Variants in CABCOCO1 observed in about 807,000 individuals in gnomAD.
CABCOCO1 encodes ciliary-associated calcium-binding coiled-coil protein 1.
CABCOCO1 carries 28 observed loss-of-function variants against 35.7 expected under a neutral mutation model. The observed-to-expected ratio is 0.78, with a 90% CI of 0.58 to 1.07. The LOEUF is 1.07. CABCOCO1 is among the 50% of genes least tolerant of loss of function. The pLI is 0.00. For missense variants in CABCOCO1, 326 were observed against 309.2 expected, an observed-to-expected ratio of 1.05 and a Z score of -0.41; for synonymous variants, 95 against 100.1, an observed-to-expected ratio of 0.95 and a Z score of 0.30.
In CABCOCO1 at chr10:61,718,742, T is replaced by G. The variant is rs146236890; in HGVS notation, c.552+28121T>G. On this transcript the variant is annotated intron_variant, in intron 5 of 7. Transcript: ENST00000648843. ...AAATAAAATATTTACCAATTCATTA[T>G]GAAAAGTCACCTTAAGTTTATCTAA... Among the ~76,000 whole-genome samples, 480 of 152,288 alleles carry G rather than the reference T, an allele frequency of 3.2e-3. 1 individual carries two copies. Among genetic ancestry groups the G allele is most frequent in the African/African-American group, 0.011 (470 of 41,576 alleles).
chr10:61,692,855 G>A (rs895527102), intron 5 of CABCOCO1, among the ~76,000 whole-genome samples: 1 of 151,994 alleles, frequency 6.6e-6, no homozygotes, highest in Non-Finnish European at 1.5e-5. Flanking sequence ...ACCTCATATC[G>A]CGTGACAGCC....
chr10:61,726,322 CTT>C (rs1486626265), intron 5 of CABCOCO1, among the ~76,000 whole-genome samples: 11 of 152,042 alleles, frequency 7.2e-5, no homozygotes, highest in Non-Finnish European at 1.5e-4. Flanking sequence ...AAATTATAAA[CTT>C]GTGCATATTC....
intron 7 of CABCOCO1, among the ~76,000 whole-genome samples, chr10:61,764,611 T>C (rs1842070862): frequency 1.3e-5 from 2 of 152,076 alleles, no homozygotes; most frequent in South Asian, 2.1e-4. Flanking sequence ...CCTAAAATCA[T>C]GCATAGATGA....
intron 5 of CABCOCO1, among the ~76,000 whole-genome samples, chr10:61,717,022 A>G (rs1198038312): frequency 6.6e-6 from 1 of 152,210 alleles, no homozygotes; most frequent in Non-Finnish European, 1.5e-5. Context: ...AAAATAGTAT[A>G]ATGGCGAACA....
At chr10:61,696,545 C>G (rs533916469) in intron 5 of CABCOCO1, among the ~76,000 whole-genome samples, 1 of 151,886 alleles carries the variant, frequency 6.6e-6, no homozygotes, top group Non-Finnish European at 1.5e-5. Flanking sequence ...TTGCTCAGGC[C>G]GGAATGCAGT....
chr10:61,752,658 A>G (rs1414569784), intron 5 of CABCOCO1, among the ~76,000 whole-genome samples: 2 of 152,186 alleles, frequency 1.3e-5, no homozygotes, highest in African/African-American at 4.8e-5. Context: ...TTTTAAATCT[A>G]TATTTGTCAG....
chr10:61,714,461 G>T (rs969679845), intron 5 of CABCOCO1, among the ~76,000 whole-genome samples: 2 of 152,030 alleles, frequency 1.3e-5, no homozygotes, highest in Non-Finnish European at 2.9e-5. Context: ...CAAAAAACCA[G>T]CTCCTGGATT....
intron 6 of CABCOCO1, 147 bp from the exon 7 acceptor site, chr10:61,760,716 C>T (rs1447733352): frequency 4.6e-6 from 4 of 878,994 alleles, no homozygotes; most frequent in Non-Finnish European, 6.7e-6. Context: ...CACACGTATA[C>T]CTATGTAACA....
intron 5 of CABCOCO1, among the ~76,000 whole-genome samples, chr10:61,739,929 G>A (rs1371949029): frequency 3.9e-5 from 6 of 152,072 alleles, no homozygotes; most frequent in African/African-American, 1.2e-4. Context: ...GCGACAGAGC[G>A]AGACTCCGTC....
intron 6 of CABCOCO1, among the ~76,000 whole-genome samples, chr10:61,760,536 A>C (rs1841988195): frequency 6.6e-6 from 1 of 151,968 alleles, no homozygotes; most frequent in South Asian, 2.1e-4. Flanking sequence ...TATCCAATAG[A>C]AATTTGAGGT....
At chr10:61,692,329 C>A (rs1402933125) in intron 5 of CABCOCO1, among the ~76,000 whole-genome samples, 2 of 152,006 alleles carry the variant, frequency 1.3e-5, no homozygotes, top group East Asian at 3.9e-4. Flanking sequence ...TCACCCGCTT[C>A]TGGATGGGGT....
chr10:61,719,644 C>T (rs1840949760), intron 5 of CABCOCO1, among the ~76,000 whole-genome samples: 1 of 151,866 alleles, frequency 6.6e-6, no homozygotes, highest in African/African-American at 2.4e-5. Context: ...GTCATCGGGC[C>T]GGCGCAGTGG....
intron 5 of CABCOCO1, among the ~76,000 whole-genome samples, chr10:61,697,582 G>T (rs1180152254): frequency 2.0e-5 from 3 of 151,956 alleles, no homozygotes. Flanking sequence ...TGGGTAGTTG[G>T]GTGGAAATAG....
chr10:61,709,071 A>C lies in CABCOCO1; in HGVS notation c.552+18450A>C, dbSNP rs577697135. Among the ~76,000 whole-genome samples, 3 of 152,302 alleles carry C rather than the reference A, an allele frequency of 2.0e-5. No individual in the cohort carries two copies. In the South Asian group the frequency reaches 6.2e-4, roughly 32 times the overall value. On this transcript the variant is annotated intron_variant, in intron 5 of 7. Transcript: ENST00000648843. ...GGTTAAAATGCTCTAAGAATTTGGAAGAAGTCCCACTTCTGAAAGTTATTT... is the reference window on the plus strand; with the variant it reads ...GGTTAAAATGCTCTAAGAATTTGGACGAAGTCCCACTTCTGAAAGTTATTT...
intron 2 of CABCOCO1, among the ~76,000 whole-genome samples, chr10:61,679,357 A>C (rs893218487): frequency 5.3e-5 from 8 of 150,962 alleles, no homozygotes; most frequent in African/African-American, 1.9e-4. Context: ...CTATCTGCTT[A>C]ATCTCCCAGG....
At chr10:61,710,088 A>C (rs1181226491) in intron 5 of CABCOCO1, among the ~76,000 whole-genome samples, 2 of 152,036 alleles carry the variant, frequency 1.3e-5, no homozygotes, top group African/African-American at 4.8e-5. Context: ...AACAAGAAGA[A>C]ATTTGCCTGA....
At chr10:61,737,707 G>A (rs1278293147) in intron 5 of CABCOCO1, among the ~76,000 whole-genome samples, 2 of 152,124 alleles carry the variant, frequency 1.3e-5, no homozygotes, top group Non-Finnish European at 2.9e-5. Context: ...CACAGGAACA[G>A]GAAACCAAAT....
intron 5 of CABCOCO1, among the ~76,000 whole-genome samples, chr10:61,699,113 G>C (rs1434014064): frequency 6.6e-6 from 1 of 152,082 alleles, no homozygotes; most frequent in Admixed American, 6.6e-5. Context: ...CTCACATTGG[G>C]TGTTGCTAAA....
Position 61,713,454 on chromosome 10 carries a change from A to C in CABCOCO1, c.552+22833A>C, listed in dbSNP as rs1415621649. On this transcript the variant is annotated intron_variant, in intron 5 of 7. Transcript: ENST00000648843. ...TCTAAATAACAAGCATGTCAACTGC[A>C]AACAGGGACAATTTGACTTCCTCTT... Among the ~76,000 whole-genome samples, 3 of 152,348 alleles carry C rather than the reference A, an allele frequency of 2.0e-5. No homozygotes were observed. The East Asian group carries it at 5.8e-4, about 29-fold the overall frequency.
Sources: gnomAD v4.1 joint callset for allele counts (sites outside exome capture counted in the v4.1 genomes callset) on GRCh38, gnomAD v4.1.1 for gene constraint, MANE v1.5 for transcripts, NCBI Gene and HGNC (gene_info 2026-07-23, HGNC 2026-07-21) for gene names.